The following ATL3 variants were observed in gnomAD, a reference collection of about 807,000 sequenced individuals.
ATL3 encodes atlastin GTPase 3, also known as atlastin-3.
Under a neutral mutation model 69.5 loss-of-function variants are expected in ATL3, and 49 were observed. The observed-to-expected ratio is 0.71, with a 90% CI of 0.56 to 0.89. ATL3 has a LOEUF of 0.89. Ranked by LOEUF, ATL3 falls within the 40% of genes least tolerant of loss-of-function variation. The pLI is 0.00. For synonymous variants in ATL3, 214 were observed against 224.1 expected (o/e 0.95, Z 0.40); for missense variants, 606 against 645.7 (o/e 0.94, Z 0.67).
At chr11:63,659,276 A>G (rs751237163) in intron 1 of ATL3, 24 bp from the exon 2 acceptor site, 3 of 1,597,192 alleles carry the variant, frequency 1.9e-6, no homozygotes, top group East Asian at 4.5e-5. Context: ...GAGAAAAAAA[A>G]TCAGTGTCAA....
chr11:63,645,268 G>A lies in ATL3; in HGVS notation c.619-1007C>T, dbSNP rs140696048. On this transcript the variant is annotated intron_variant, in intron 6 of 12. Coordinates refer to ENST00000398868, the MANE Select transcript of ATL3 (RefSeq NM_015459.5). ...AAAAAATACAAAAAATTAGCCGGGC[G>A]CCTGAAATCCCAGCTACTCAGGAGG... Among the ~76,000 whole-genome samples, 521 of 151,354 alleles carry A rather than the reference G, an allele frequency of 3.4e-3. 3 individuals carry two copies. The highest frequency in any genetic ancestry group is 0.012 in the African/African-American group (487 of 41,232).
intron 9 of ATL3, 68 bp downstream of exon 9, chr11:63,636,139 A>C (rs888185196): frequency 2.9e-5 from 45 of 1,556,368 alleles, no homozygotes; most frequent in Non-Finnish European, 3.0e-5. Flanking sequence ...TTTAAATTCA[A>C]GTTGATTTAC....
chr11:63,671,898 G>A (rs1940801423), upstream of ATL3: 2 of 331,680 alleles, frequency 6.0e-6, no homozygotes, highest in African/African-American at 2.3e-5. Flanking sequence ...GTGAGAGACA[G>A]CTTTGGTGTT....
intron 12 of ATL3, among the ~76,000 whole-genome samples, chr11:63,629,830 A>C (rs906197001): frequency 3.3e-5 from 5 of 151,988 alleles, no homozygotes; most frequent in Non-Finnish European, 7.4e-5. Flanking sequence ...TTTAAGTTAC[A>C]ATGAGCTAAG....
Position 63,643,368 on chromosome 11 carries a change from C to G in ATL3, c.839G>C (p.Gly280Ala), listed in dbSNP as rs766748692. 1 of 1,604,470 alleles carries G rather than the reference C, an allele frequency of 6.2e-7. No individual in the cohort carries two copies. Among genetic ancestry groups the G allele is most frequent in the African/African-American group, 1.3e-5 (1 of 74,450 alleles). The stretch of plus-strand genomic sequence containing the variant: ...CACCTGGAACACACCTTTTAATTTC[C>G]CATCAAAGTCAGGGCTTGTGGCCAC... ...LQVATSPDFD[G>A]KLKDIAGEFK... Residue 280 changes from glycine (G) to alanine (A), a missense_variant, in exon 8 of 13, where the codon GGG (glycine) becomes GCG (alanine). Physicochemically the swap from Gly to Ala is moderately conservative, Grantham distance 60. Transcript: ENST00000398868.
chr11:63,654,590 G>A lies in ATL3; in HGVS notation c.406-2015C>T, dbSNP rs373404045. On this transcript the variant is annotated intron_variant, in intron 3 of 12. Coordinates refer to ENST00000398868, the MANE Select transcript of ATL3 (RefSeq NM_015459.5). ...TTTTTGTATTTTTAGTAGAGACAGG[G>A]TTTCACCACGTTGGTCAGACTCGTC... is the stretch of plus-strand genomic sequence containing the variant. Among the ~76,000 whole-genome samples the A allele has an allele frequency of 8.8e-5, 13 of 148,108 alleles. No individual in the cohort carries two copies. In the South Asian group the frequency reaches 1.9e-3, roughly 22 times the overall value.
intron 1 of ATL3, among the ~76,000 whole-genome samples, chr11:63,660,955 T>C (rs569459708): frequency 4.0e-5 from 6 of 151,852 alleles, no homozygotes; most frequent in Non-Finnish European, 8.8e-5. Context: ...GGCTCACATT[T>C]ACAATCTCAG....
In ATL3 at chr11:63,664,401, G is replaced by A. The variant is rs544472161; in HGVS notation, c.47-5149C>T. Among the ~76,000 whole-genome samples the A allele has an allele frequency of 6.6e-5, 10 of 151,702 alleles. No individual in the cohort carries two copies. In the East Asian group the frequency reaches 1.2e-3, roughly 18 times the overall value. Reference sequence around the variant, plus strand: ...CAAAAATATAAAAAATTAGCTGGGCGTGGTGGTAGGCACCCGTAATCCCAG... The same window carrying A: ...CAAAAATATAAAAAATTAGCTGGGCATGGTGGTAGGCACCCGTAATCCCAG... On this transcript the variant is annotated intron_variant, in intron 1 of 12. Transcript: ENST00000398868.
At chr11:63,643,551 G>C in intron 7 of ATL3, 56 bp from the exon 8 acceptor site, 1 of 1,522,876 alleles carries the variant, frequency 6.6e-7, no homozygotes, top group Non-Finnish European at 8.9e-7. Flanking sequence ...TTCTTCACTA[G>C]GGACAACTAG....
chr11:63,645,111 G>A (rs1036176565), intron 6 of ATL3, among the ~76,000 whole-genome samples: 5 of 151,610 alleles, frequency 3.3e-5, no homozygotes, highest in African/African-American at 9.7e-5. Flanking sequence ...TCTGTTTTCA[G>A]CATTAGAAAG....
Position 63,626,539 on chromosome 11 carries a change from A to AT in ATL3, c.*2779dup, listed in dbSNP as rs10604777. The AT allele has an allele frequency of 6.6e-6, 1 of 152,136 alleles. No individual in the cohort carries two copies. The highest frequency in any genetic ancestry group is 2.1e-4 in the South Asian group (1 of 4,832). 9.4% of individuals were successfully genotyped at this position (152,136 alleles called of 1,614,324 possible). On this transcript the variant is annotated 3_prime_UTR_variant, in exon 13 of 13. Transcript: ENST00000398868. Reference sequence around the variant, plus strand: ...TTACTATAAGCAGCTCATTGAAATTATTTTTTCAAATTATCAACACTTAAT... The same window carrying AT: ...TTACTATAAGCAGCTCATTGAAATTATTTTTTTCAAATTATCAACACTTAAT...
At chr11:63,664,787 T>C (rs1285894530) in intron 1 of ATL3, among the ~76,000 whole-genome samples, 1 of 151,606 alleles carries the variant, frequency 6.6e-6, no homozygotes, top group Non-Finnish European at 1.5e-5. Context: ...TTTGTATTTT[T>C]AGTAGATAGA....
At chr11:63,633,004 A>G (rs781138719) in intron 11 of ATL3, 22 bp downstream of exon 11, 7 of 1,607,352 alleles carry the variant, frequency 4.4e-6, no homozygotes, top group Non-Finnish European at 6.0e-6. Flanking sequence ...ATATTTCAGA[A>G]TAAGGCGTAT....
rs1940112339 is a variant in ATL3 at position 63,652,569 on chromosome 11, C to T, written c.412G>A (p.Val138Ile). 2 of 1,605,744 alleles carry T rather than the reference C, an allele frequency of 1.2e-6. No homozygotes were observed. Among genetic ancestry groups the T allele is most frequent in the Non-Finnish European group, 1.7e-6 (2 of 1,175,464 alleles). ...VEKPGGKKVA[V>I]VLMDTQGAFD... is the part of the protein sequence containing the mutation. ...GCCCCCTGGGTATCCATCAGAACAA[C>T]TGCAACCTAAAAAAAAGGAAAATAC... Residue 138 changes from valine to isoleucine, a missense_variant, in exon 4 of 13, where the codon GTT becomes ATT. Coordinates refer to ENST00000398868, the MANE Select transcript of ATL3 (RefSeq NM_015459.5).
At chr11:63,651,774 G>A (rs958448861) in intron 5 of ATL3, among the ~76,000 whole-genome samples, 162 bp downstream of exon 5, 19 of 152,054 alleles carry the variant, frequency 1.2e-4, no homozygotes, top group Admixed American at 2.0e-4. Context: ...GACCACTCCT[G>A]CTCCACCCCA....
chr11:63,635,725 C>T, intron 9 of ATL3, 135 bp from the exon 10 acceptor site: 1 of 655,866 alleles, frequency 1.5e-6, no homozygotes, highest in South Asian at 1.9e-5. Flanking sequence ...AGCAAAAACA[C>T]ACCACACACC....
chr11:63,632,488 G>A, intron 11 of ATL3: 5 of 859,404 alleles, frequency 5.8e-6, no homozygotes, highest in Middle Eastern at 3.3e-4. Context: ...TGGTTTGGAA[G>A]GAGACAAAAT....
chr11:63,635,959 G>A (rs947187888), intron 9 of ATL3, among the ~76,000 whole-genome samples: 1 of 148,920 alleles, frequency 6.7e-6, no homozygotes, highest in African/African-American at 2.5e-5. Context: ...CTTCCTTGAG[G>A]AACAATCTTC....
rs777169009 is a variant in ATL3 at position 63,627,335 on chromosome 11, A to G, written c.*1984T>C. ...GTTGGCATCACTGATAAATGCAAGT[A>G]AACAAGCTGGAATTTTTCTAAAGTG... On this transcript the variant is annotated 3_prime_UTR_variant, in exon 13 of 13. Coordinates refer to ENST00000398868, the MANE Select transcript of ATL3 (RefSeq NM_015459.5). 1 of 152,250 alleles carries G rather than the reference A, an allele frequency of 6.6e-6. No individual in the cohort carries two copies. The highest frequency in any genetic ancestry group is 1.5e-5 in the Non-Finnish European group (1 of 68,034). The allele number at this position is 152,250 out of a possible 1,614,324, so 9.4% of individuals were successfully genotyped here.
Sources: gnomAD v4.1 joint callset for allele counts (sites outside exome capture counted in the v4.1 genomes callset) on GRCh38, gnomAD v4.1.1 for gene constraint, MANE v1.5 for transcripts, NCBI Gene and HGNC (gene_info 2026-07-23, HGNC 2026-07-21) for gene names.